Variants in DENND11 observed in about 807,000 individuals in gnomAD.
DENND11 encodes DENN domain-containing protein 11.
DENND11 carries 34 observed loss-of-function variants against 49.2 expected under a neutral mutation model. The ratio of observed to expected loss-of-function variants is 0.69; its 90% CI spans 0.53 to 0.92. DENND11 has a LOEUF of 0.92. Ranked by LOEUF, DENND11 falls within the 40% of genes least tolerant of loss-of-function variation. The pLI is 0.00. For synonymous variants in DENND11, 238 were observed against 230.3 expected (o/e 1.03, Z -0.30); for missense variants, 475 against 581.6 (o/e 0.82, Z 1.88).
chr7:141,695,891 G>A (rs534484790), intron 1 of DENND11, among the ~76,000 whole-genome samples: 4 of 152,180 alleles, frequency 2.6e-5, no homozygotes, highest in Admixed American at 6.5e-5. Flanking sequence ...GGATTCACAT[G>A]ACCACGGGAG....
chr7:141,678,407 T>A (rs1240098174), intron 3 of DENND11, among the ~76,000 whole-genome samples: 1 of 152,248 alleles, frequency 6.6e-6, no homozygotes, highest in Non-Finnish European at 1.5e-5. Context: ...TCTTTGAGCT[T>A]TTCTCTATTT....
chr7:141,662,980 C>A, intron 8 of DENND11, 129 bp from the exon 9 acceptor site: 1 of 607,034 alleles, frequency 1.6e-6, no homozygotes, highest in Non-Finnish European at 2.6e-6. Flanking sequence ...TCGCAGGTAT[C>A]TTTTAAAAAA....
At chr7:141,671,914 A>G (rs1286646193) in intron 4 of DENND11, among the ~76,000 whole-genome samples, 1 of 152,234 alleles carries the variant, frequency 6.6e-6, no homozygotes, top group Non-Finnish European at 1.5e-5. Context: ...TCCTAAACTC[A>G]TACGCCAATT....
chr7:141,673,171 A>G (rs1028616615), intron 4 of DENND11, among the ~76,000 whole-genome samples: 9 of 152,172 alleles, frequency 5.9e-5, no homozygotes, highest in African/African-American at 1.9e-4. Context: ...TCTAACTCCT[A>G]TTAGCTATAA....
chr7:141,667,290 CAT>C (rs1797910761), intron 4 of DENND11, among the ~76,000 whole-genome samples: 1 of 152,136 alleles, frequency 6.6e-6, no homozygotes, highest in South Asian at 2.1e-4. Flanking sequence ...CAAGGAGTAT[CAT>C]AGGGGTTAAG....
At chr7:141,673,756 A>T (rs1441295047) in intron 4 of DENND11, among the ~76,000 whole-genome samples, 1 of 152,240 alleles carries the variant, frequency 6.6e-6, no homozygotes, top group African/African-American at 2.4e-5. Flanking sequence ...CAGACTCTTC[A>T]TCTTTAGTTC....
Position 141,685,607 on chromosome 7 carries a change from A to G in DENND11, c.398T>C (p.Leu133Pro). 1 of 1,614,044 alleles carries G rather than the reference A, an allele frequency of 6.2e-7. No homozygotes were observed. Among genetic ancestry groups the G allele is most frequent in the Non-Finnish European group, 8.5e-7 (1 of 1,179,896 alleles). The change falls in exon 3 of 9, where the codon CTG (leucine) becomes CCG (proline). Residue 133 changes from leucine (L) to proline (P), a missense_variant. By Grantham distance (98) the Leu-to-Pro change is moderately conservative. Transcript: ENST00000536163. ...IYFRKGPFFGLACFANMPVES... is the reference protein window; with the variant it reads ...IYFRKGPFFGPACFANMPVES... ...CACGGGCATGTTGGCAAAGCAGGCC[A>G]GGCCGAAGAAGGGCCCCTTTCGGAA...
At position 141,674,231 on chromosome 7, in the gene DENND11, A is replaced by G. The variant is rs1798030430; in HGVS notation, c.528-11T>C. On this transcript the variant is annotated splice_polypyrimidine_tract_variant and intron_variant, in intron 3 of 8. Transcript: ENST00000536163. ...ATCTCCAACTGGTGCCTGCAGAAAA[A>G]CACACACACACACACACACACACAC... 1 of 225,582 alleles carries G rather than the reference A, an allele frequency of 4.4e-6. No homozygotes were observed. The highest frequency in any genetic ancestry group is 7.6e-6 in the Non-Finnish European group (1 of 131,634). The allele number at this position is 225,582 out of a possible 1,614,324, so 14.0% of individuals were successfully genotyped here. A position where few individuals can be genotyped will look rare whatever the true frequency, so the allele number is the denominator to read the frequency against.
At chr7:141,673,841 C>T (rs970944301) in intron 4 of DENND11, among the ~76,000 whole-genome samples, 8 of 152,186 alleles carry the variant, frequency 5.3e-5, no homozygotes, top group Non-Finnish European at 8.8e-5. Flanking sequence ...CTATCACACA[C>T]GCCTTTATAC....
chr7:141,700,806 G>A (rs1798498592), intron 1 of DENND11, among the ~76,000 whole-genome samples: 1 of 152,008 alleles, frequency 6.6e-6, no homozygotes, highest in Non-Finnish European at 1.5e-5. Flanking sequence ...ATCATCAGCT[G>A]CCATACCAGA....
In DENND11 at chr7:141,702,034, G is replaced by C; in HGVS notation, c.120C>G (p.Ala40=). The C allele has an allele frequency of 9.8e-7, 1 of 1,022,946 alleles. No individual in the cohort carries two copies. The highest frequency in any genetic ancestry group is 1.2e-6 in the Non-Finnish European group (1 of 855,948). The allele number at this position is 1,022,946 out of a possible 1,614,324, so 63.4% of individuals were successfully genotyped here. A position where few individuals can be genotyped will look rare whatever the true frequency, so the allele number is the denominator to read the frequency against. The change falls in exon 1 of 9, where the codon GCC becomes GCG. Residue 40 remains alanine, a synonymous_variant. Coordinates refer to ENST00000536163, the MANE Select transcript of DENND11 (RefSeq NM_001080392.2). ...GGWGRGGGGG[A]RPAAEPPRRR... ...TCCGGGGCGGCTCCGCGGCCGGCCG[G>C]GCGCCCCCGCCGCCGCCCCGGCCCC...
In DENND11 at chr7:141,673,823, C is replaced by T. The variant is rs1208649206; in HGVS notation, c.681+244G>A. On this transcript the variant is annotated intron_variant, in intron 4 of 8. Coordinates refer to ENST00000536163, the MANE Select transcript of DENND11 (RefSeq NM_001080392.2). The stretch of plus-strand genomic sequence containing the variant: ...CAACAGAATTAAATCTATCTTTTCA[C>T]AACTGGCCTATCACACACGCCTTTA... 2.0e-5 allele frequency among the ~76,000 whole-genome samples: 3 copies of T among 152,310 alleles called. No homozygotes were observed. The East Asian group carries it at 5.8e-4, about 29-fold the overall frequency.
rs1798227227 is a variant in DENND11 at position 141,685,603 on chromosome 7, G to A, written c.402C>T (p.Ala134=). The stretch of plus-strand genomic sequence containing the variant: ...TCTCCACGGGCATGTTGGCAAAGCA[G>A]GCCAGGCCGAAGAAGGGCCCCTTTC... ...YFRKGPFFGL[A]CFANMPVESE... The change falls in exon 3 of 9, where the codon GCC becomes GCT. Residue 134 remains alanine (A), a synonymous_variant. Coordinates refer to ENST00000536163, the MANE Select transcript of DENND11 (RefSeq NM_001080392.2). The A allele has an allele frequency of 6.2e-7, 1 of 1,614,004 alleles. No homozygotes were observed. Among genetic ancestry groups the A allele is most frequent in the Non-Finnish European group, 8.5e-7 (1 of 1,179,890 alleles).
Position 141,686,649 on chromosome 7 carries a change from A to G in DENND11, c.278T>C (p.Val93Ala), listed in dbSNP as rs1289591195. Residue 93 changes from valine to alanine, a missense_variant, in exon 2 of 9, where the codon GTA becomes GCA. By Grantham distance (64) the Val-to-Ala change is moderately conservative. Transcript: ENST00000536163. Reference protein sequence around the residue: ...VTFDPRSGNMVEWCLPQDIDL... With the variant: ...VTFDPRSGNMAEWCLPQDIDL... ...AATATCTTGAGGTAAGCACCATTCTACCATGTTTCCTGCAGGAAAAGGAAG... is the reference window on the plus strand; with the variant it reads ...AATATCTTGAGGTAAGCACCATTCTGCCATGTTTCCTGCAGGAAAAGGAAG... 1.2e-6 allele frequency: 2 copies of G among 1,610,908 alleles called. No homozygotes were observed. Among genetic ancestry groups the G allele is most frequent in the African/African-American group, 2.7e-5 (2 of 74,890 alleles).
At chr7:141,690,554 T>G (rs1012797630) in intron 1 of DENND11, among the ~76,000 whole-genome samples, 6 of 152,198 alleles carry the variant, frequency 3.9e-5, no homozygotes, top group African/African-American at 1.4e-4. Context: ...AATTCCTTTA[T>G]GTATCTCCTA....
In DENND11 at chr7:141,659,869, T is replaced by A. The variant is rs1797762337; in HGVS notation, c.*2787A>T. The A allele has an allele frequency of 6.6e-6, 1 of 152,162 alleles. No homozygotes were observed. The highest frequency in any genetic ancestry group is 1.5e-5 in the Non-Finnish European group (1 of 68,028). The allele number at this position is 152,162 out of a possible 1,614,324, so 9.4% of individuals were successfully genotyped here. A position where few individuals can be genotyped will look rare whatever the true frequency, so the allele number is the denominator to read the frequency against. ...CAGACCTAGAAGTCTGTGAACGATG[T>A]TCAGCACTTTCTTCTGAACAAAAGC... On this transcript the variant is annotated 3_prime_UTR_variant, in exon 9 of 9. Coordinates refer to ENST00000536163, the MANE Select transcript of DENND11 (RefSeq NM_001080392.2).
Position 141,666,370 on chromosome 7 carries a change from A to G in DENND11, c.737T>C (p.Ile246Thr), listed in dbSNP as rs1431098325. Residue 246 changes from isoleucine (I) to threonine (T), a missense_variant, in exon 5 of 9, where the codon ATC becomes ACC. Transcript: ENST00000536163. Reference sequence around the variant, plus strand: ...TAAGGCAAATTTCCAGAGGATGAGGATCTGTTCTCCAAAGAACTTTATAAA... The same window carrying G: ...TAAGGCAAATTTCCAGAGGATGAGGGTCTGTTCTCCAAAGAACTTTATAAA... ...SQFIKFFGEQ[I>T]LILWKFALLR... 1.2e-6 allele frequency: 2 copies of G among 1,613,328 alleles called. No homozygotes were observed. Among genetic ancestry groups the G allele is most frequent in the Non-Finnish European group, 1.7e-6 (2 of 1,179,552 alleles).
rs1562994839 is a variant in DENND11 at position 141,665,066 on chromosome 7, GGGGTTAGAGAGGT to G, written c.953-25_953-13del. 6.2e-7 allele frequency: 1 copy of G among 1,612,930 alleles called. No individual in the cohort carries two copies. Among genetic ancestry groups the G allele is most frequent in the Non-Finnish European group, 8.5e-7 (1 of 1,179,120 alleles). ...CTTCTCTGTGGTGCCTGTGGAACCC[GGGGTTAGAGAGGT>G]GGGAACCCACCCGACCCCACTGGGA... is the stretch of plus-strand genomic sequence containing the variant. On this transcript the variant is annotated splice_polypyrimidine_tract_variant and intron_variant, in intron 6 of 8. Coordinates refer to ENST00000536163, the MANE Select transcript of DENND11 (RefSeq NM_001080392.2).
At chr7:141,694,397 A>G (rs1584726857) in intron 1 of DENND11, among the ~76,000 whole-genome samples, 1 of 152,122 alleles carries the variant, frequency 6.6e-6, no homozygotes, top group Non-Finnish European at 1.5e-5. Flanking sequence ...AACAGCTGGG[A>G]CTACAGGTAT....
Sources: allele counts gnomAD v4.1 joint callset (sites outside exome capture counted in the v4.1 genomes callset), GRCh38; gene constraint gnomAD v4.1.1; transcripts MANE v1.5; gene names NCBI Gene and HGNC (gene_info 2026-07-23, HGNC 2026-07-21).